The following SCD5 variants were observed in gnomAD, a reference collection of about 807,000 sequenced individuals.
The protein encoded by SCD5 is stearoyl-CoA desaturase 5.
SCD5 carries 20 observed loss-of-function variants against 30.4 expected under a neutral mutation model. That is an observed-to-expected ratio of 0.66 (90% CI 0.46 to 0.96). SCD5 has a LOEUF of 0.96. SCD5 is among the 40% of genes least tolerant of loss of function. The pLI is 0.00. For missense variants in SCD5, 381 were observed against 443.3 expected (o/e 0.86, Z 1.26); for synonymous variants, 173 against 176.4 (o/e 0.98, Z 0.16).
At chr4:82,649,316 A>G (rs1727697674) in intron 3 of SCD5, among the ~76,000 whole-genome samples, 1 of 152,044 alleles carries the variant, frequency 6.6e-6, no homozygotes, top group Admixed American at 6.6e-5. Context: ...CTGACAAGCT[A>G]ATCAGTTCAC....
chr4:82,676,350 A>G (rs1414274603), intron 3 of SCD5, among the ~76,000 whole-genome samples: 3 of 152,184 alleles, frequency 2.0e-5, no homozygotes, highest in African/African-American at 7.2e-5. Context: ...TCCACGCTCA[A>G]CCTTATGAAT....
chr4:82,772,547 C>T (rs79978035), intron 1 of SCD5, among the ~76,000 whole-genome samples: 6,217 of 152,290 alleles, frequency 0.041, 181 homozygotes, highest in African/African-American at 0.082. Flanking sequence ...CAGGGTGGGT[C>T]TTCCCATCTG....
chr4:82,794,983 C>T (rs1025513004), intron 1 of SCD5, among the ~76,000 whole-genome samples: 1 of 152,094 alleles, frequency 6.6e-6, no homozygotes, highest in African/African-American at 2.4e-5. Context: ...GAACGCATTG[C>T]TGAGGACCTG....
intron 1 of SCD5, among the ~76,000 whole-genome samples, chr4:82,722,689 C>T (rs6838015): frequency 3.1e-4 from 47 of 151,168 alleles, no homozygotes; most frequent in Admixed American, 1.1e-3. Flanking sequence ...CACTTGAACC[C>T]GGGAGGCGGA....
At position 82,798,533 on chromosome 4, in the gene SCD5, G is replaced by A; in HGVS notation, c.5C>T (p.Pro2Leu). MPGPATDAGKIP... is the reference protein window; with the variant it reads MLGPATDAGKIP... ...CTTCCCCGCGTCGGTGGCCGGGCCT[G>A]GCATGGCTGGGCGAGGTGGGCGCCC... The change falls in exon 1 of 5, where the codon CCA (proline) becomes CTA (leucine). Residue 2 changes from proline to leucine, a missense_variant. By Grantham distance (98) the Pro-to-Leu change is moderately conservative (BLOSUM62 -3). Coordinates refer to ENST00000319540, the MANE Select transcript of SCD5 (RefSeq NM_001037582.3). 1 of 1,585,866 alleles carries A rather than the reference G, an allele frequency of 6.3e-7. No individual in the cohort carries two copies. The highest frequency in any genetic ancestry group is 1.8e-5 in the Admixed American group (1 of 56,528).
At chr4:82,663,336 A>G (rs1728060600) in intron 3 of SCD5, among the ~76,000 whole-genome samples, 2 of 152,212 alleles carry the variant, frequency 1.3e-5, no homozygotes, top group African/African-American at 4.8e-5. Context: ...CAAGCCTCGG[A>G]CACAAAAGAG....
At chr4:82,769,934 A>C (rs2148848124) in intron 1 of SCD5, among the ~76,000 whole-genome samples, 1 of 151,746 alleles carries the variant, frequency 6.6e-6, no homozygotes, top group Non-Finnish European at 1.5e-5. Flanking sequence ...AACTTACAGA[A>C]ACAAAAAAAA....
chr4:82,733,743 T>C (rs1357812037), intron 1 of SCD5, among the ~76,000 whole-genome samples: 1 of 152,170 alleles, frequency 6.6e-6, no homozygotes, highest in East Asian at 1.9e-4. Context: ...ATGAAGCCTC[T>C]GTACGTGCCT....
intron 1 of SCD5, among the ~76,000 whole-genome samples, chr4:82,707,281 T>C (rs535627246): frequency 3.3e-5 from 5 of 152,332 alleles, no homozygotes; most frequent in South Asian, 2.1e-4. Flanking sequence ...GACAGAATTA[T>C]AAGCAACAAA....
intron 2 of SCD5, among the ~76,000 whole-genome samples, chr4:82,697,493 C>T (rs1176031124): frequency 8.5e-5 from 13 of 152,126 alleles, no homozygotes. Flanking sequence ...TGTCTAATTA[C>T]CCTCTTGCTC....
At chr4:82,711,685 G>A (rs59233356) in intron 1 of SCD5, among the ~76,000 whole-genome samples, 4,665 of 147,038 alleles carry the variant, frequency 0.032, 248 homozygotes, top group African/African-American at 0.11. Context: ...CAGCCTGGGT[G>A]ATAAAGTAAG....
At position 82,631,127 on chromosome 4, in the gene SCD5, A is replaced by AAC. The variant is rs1424292404; in HGVS notation, c.*199_*200insGT. ...CTCTGTCTCAAAAACAAAACAAACAAAAAAAAAAACGAAAGTTTTTTCATT... is the reference window on the plus strand; with the variant it reads ...CTCTGTCTCAAAAACAAAACAAACAAACAAAAAAAAACGAAAGTTTTTTCATT... On this transcript the variant is annotated 3_prime_UTR_variant, in exon 5 of 5. Coordinates refer to ENST00000319540, the MANE Select transcript of SCD5 (RefSeq NM_001037582.3). 1.2e-5 allele frequency: 6 copies of AAC among 493,224 alleles called. No homozygotes were observed. In the East Asian group the frequency reaches 2.1e-4, roughly 18 times the overall value. 30.6% of individuals were successfully genotyped at this position (493,224 alleles called of 1,614,324 possible). A position where few individuals can be genotyped will look rare whatever the true frequency, so the allele number is the denominator to read the frequency against.
At chr4:82,654,224 A>AC (rs1727822559) in intron 3 of SCD5, among the ~76,000 whole-genome samples, 1 of 152,162 alleles carries the variant, frequency 6.6e-6, no homozygotes, top group African/African-American at 2.4e-5. Context: ...CAGCACTAGG[A>AC]TCTTTTTATC....
At chr4:82,778,021 G>T (rs1394420471) in intron 1 of SCD5, among the ~76,000 whole-genome samples, 2 of 151,862 alleles carry the variant, frequency 1.3e-5, no homozygotes, top group Admixed American at 1.3e-4. Flanking sequence ...TATGTACCAT[G>T]GAATATTATG....
Position 82,636,729 on chromosome 4 carries a change from A to G in SCD5, c.664T>C (p.Leu222=). The change falls in exon 4 of 5, where the codon TTG becomes CTG. Residue 222 remains leucine (L), a synonymous_variant. Transcript: ENST00000319540. The stretch of plus-strand genomic sequence containing the variant: ...ATGGTATAGCGGAGAATAGAGGCCA[A>G]GAAGTAGGAATTCCACAGACTCTCT... ...WGESLWNSYF[L]ASILRYTISL... 1 of 1,614,282 alleles carries G rather than the reference A, an allele frequency of 6.2e-7. No individual in the cohort carries two copies. Among genetic ancestry groups the G allele is most frequent in the Non-Finnish European group, 8.5e-7 (1 of 1,180,052 alleles).
chr4:82,747,405 C>T (rs1270818431), intron 1 of SCD5, among the ~76,000 whole-genome samples: 1 of 152,192 alleles, frequency 6.6e-6, no homozygotes, highest in African/African-American at 2.4e-5. Context: ...CTCCAAAGCT[C>T]ATCCCTTTCT....
At chr4:82,753,201 C>T (rs533426282) in intron 1 of SCD5, 7 of 406,446 alleles carry the variant, frequency 1.7e-5, no homozygotes, top group Non-Finnish European at 3.0e-5. Flanking sequence ...GTCTCACCTA[C>T]TTCATGTGAG....
intron 2 of SCD5, among the ~76,000 whole-genome samples, chr4:82,685,168 T>C (rs1728674169): frequency 6.6e-6 from 1 of 152,176 alleles, no homozygotes; most frequent in African/African-American, 2.4e-5. Context: ...GCTACATTAG[T>C]TCTAAGAACG....
chr4:82,643,195 T>C (rs1727578568), intron 3 of SCD5, among the ~76,000 whole-genome samples: 1 of 152,090 alleles, frequency 6.6e-6, no homozygotes, highest in Admixed American at 6.5e-5. Flanking sequence ...CTGCAGGAAA[T>C]GGTTTGATGG....
Sources: allele counts gnomAD v4.1 joint callset (sites outside exome capture counted in the v4.1 genomes callset), GRCh38; gene constraint gnomAD v4.1.1; transcripts MANE v1.5; gene names NCBI Gene and HGNC (gene_info 2026-07-23, HGNC 2026-07-21).